Variants in MBNL1 observed in about 807,000 individuals in gnomAD.
MBNL1 encodes muscleblind-like protein 1.
MBNL1 carries 8 observed loss-of-function variants against 42.2 expected under a neutral mutation model. The ratio of observed to expected loss-of-function variants is 0.19; its 90% CI spans 0.11 to 0.34. The LOEUF (loss-of-function observed/expected upper bound fraction) is 0.34, where lower values mean the gene tolerates loss of function less well. Ranked by LOEUF, MBNL1 falls within the 10% of genes least tolerant of loss-of-function variation. MBNL1 has a pLI of 1.00. For synonymous variants in MBNL1, 169 were observed against 173.9 expected, an observed-to-expected ratio of 0.97 and a Z score of 0.22; for missense variants, 309 against 495.3, an observed-to-expected ratio of 0.62 and a Z score of 3.57.
At chr3:152,357,919 T>C (rs1048685107) in intron 2 of MBNL1, among the ~76,000 whole-genome samples, 2 of 152,166 alleles carry the variant, frequency 1.3e-5, no homozygotes, top group Admixed American at 6.5e-5. Flanking sequence ...AGAAAACTCA[T>C]TGAAATAAAT....
At chr3:152,337,248 C>T (rs1357276311) in intron 2 of MBNL1, among the ~76,000 whole-genome samples, 3 of 152,174 alleles carry the variant, frequency 2.0e-5, no homozygotes, top group African/African-American at 7.2e-5. Context: ...CTATTATCAT[C>T]TCCTTGAAAA....
At chr3:152,422,996 G>A (rs77805981) in intron 3 of MBNL1, among the ~76,000 whole-genome samples, 1 of 152,192 alleles carries the variant, frequency 6.6e-6, no homozygotes, top group African/African-American at 2.4e-5. Flanking sequence ...GAGAAAGCAG[G>A]AAAGATATAA....
intron 2 of MBNL1, chr3:152,340,720 TC>T: frequency 6.2e-7 from 1 of 1,614,054 alleles, no homozygotes; most frequent in African/African-American, 1.3e-5. Flanking sequence ...ACTCAAATGT[TC>T]CTTTGGATTC....
intron 2 of MBNL1, among the ~76,000 whole-genome samples, chr3:152,324,555 A>G (rs962988983): frequency 1.3e-5 from 2 of 152,222 alleles, no homozygotes; most frequent in African/African-American, 4.8e-5. Flanking sequence ...AAATTGGCAG[A>G]TGGCAACCAT....
At chr3:152,387,743 G>C (rs999309084) in intron 2 of MBNL1, among the ~76,000 whole-genome samples, 2 of 151,954 alleles carry the variant, frequency 1.3e-5, no homozygotes, top group Non-Finnish European at 2.9e-5. Flanking sequence ...TTCCTGAGCA[G>C]TTATGACTCT....
At chr3:152,307,898 C>T (rs1325545294) in intron 2 of MBNL1, among the ~76,000 whole-genome samples, 1 of 152,052 alleles carries the variant, frequency 6.6e-6, no homozygotes, top group East Asian at 1.9e-4. Context: ...ACAAATGAGT[C>T]AAGGAGTGAA....
chr3:152,335,041 C>T (rs761398270), intron 2 of MBNL1: 21 of 1,222,360 alleles, frequency 1.7e-5, no homozygotes, highest in Non-Finnish European at 2.2e-5. Context: ...TCTGCTGCTG[C>T]TGCTGCTGCT....
rs370583968 is a variant in MBNL1 at position 152,306,584 on chromosome 3, C to T, written c.174+6217C>T. On this transcript the variant is annotated intron_variant, in intron 2 of 9. Transcript: ENST00000324210. The stretch of plus-strand genomic sequence containing the variant: ...TGACTGATTTTGGTAGCAGGGATTG[C>T]TAGGAAGTATTTTTTTGTATGTTTG... 6.1e-4 allele frequency among the ~76,000 whole-genome samples: 93 copies of T among 152,058 alleles called. No homozygotes were observed. In the South Asian group the frequency reaches 0.019, roughly 31 times the overall value.
In MBNL1 at chr3:152,338,407, C is replaced by T. The variant is rs752054031; in HGVS notation, c.174+38040C>T. 2.2e-5 allele frequency: 22 copies of T among 985,370 alleles called. No homozygotes were observed. In the East Asian group the frequency reaches 2.2e-3, roughly 97 times the overall value. The allele number at this position is 985,370 out of a possible 1,614,324, so 61.0% of individuals were successfully genotyped here. On this transcript the variant is annotated intron_variant, in intron 2 of 9. Coordinates refer to ENST00000324210, the MANE Select transcript of MBNL1 (RefSeq NM_021038.5). ...TTGTGAAAGCGGGGAATATTCCTCC[C>T]CCTGCTGCTACAGTTGAGCACCGTG...
chr3:152,351,262 C>T, intron 2 of MBNL1, among the ~76,000 whole-genome samples: 1 of 151,986 alleles, frequency 6.6e-6, no homozygotes, highest in East Asian at 1.9e-4. Context: ...TGTTAAATGC[C>T]ATGGTTTATA....
intron 1 of MBNL1, among the ~76,000 whole-genome samples, chr3:152,276,357 A>G (rs1245922179): frequency 6.6e-6 from 1 of 152,204 alleles, no homozygotes; most frequent in Admixed American, 6.5e-5. Context: ...GATTTTACAG[A>G]TAGGGGAACT....
At chr3:152,455,632 C>A in intron 7 of MBNL1, 55 bp downstream of exon 7, 2 of 1,480,286 alleles carry the variant, frequency 1.4e-6, no homozygotes, top group Non-Finnish European at 1.9e-6. Flanking sequence ...ACCTCACAGC[C>A]CCTCAAAATC....
chr3:152,337,251 C>T (rs1177965309), intron 2 of MBNL1, among the ~76,000 whole-genome samples: 1 of 152,106 alleles, frequency 6.6e-6, no homozygotes, highest in Non-Finnish European at 1.5e-5. Context: ...TTATCATCTC[C>T]TTGAAAAGCA....
chr3:152,376,165 A>T (rs2096890292), intron 2 of MBNL1, among the ~76,000 whole-genome samples: 1 of 152,214 alleles, frequency 6.6e-6, no homozygotes, highest in African/African-American at 2.4e-5. Context: ...TTTTAGTTTT[A>T]AGTGTAGTAT....
Position 152,462,804 on chromosome 3 carries a change from G to T in MBNL1, c.*438G>T, listed in dbSNP as rs1748058642. 2 of 152,090 alleles carry T rather than the reference G, an allele frequency of 1.3e-5. No homozygotes were observed. Among genetic ancestry groups the T allele is most frequent in the African/African-American group, 4.8e-5 (2 of 41,390 alleles). The allele number at this position is 152,090 out of a possible 1,614,324, so 9.4% of individuals were successfully genotyped here. On this transcript the variant is annotated 3_prime_UTR_variant, in exon 10 of 10. Coordinates refer to ENST00000324210, the MANE Select transcript of MBNL1 (RefSeq NM_021038.5). ...TAAAAATAAGTTTATTTCTTTCAAG[G>T]TTTACAAATAACAAAGGTGCACCTT... is the stretch of plus-strand genomic sequence containing the variant.
At chr3:152,357,764 G>A (rs2095632159) in intron 2 of MBNL1, among the ~76,000 whole-genome samples, 1 of 152,212 alleles carries the variant, frequency 6.6e-6, no homozygotes, top group African/African-American at 2.4e-5. Context: ...ACATGAGTGA[G>A]TAAAGTTACT....
chr3:152,413,867 T>C (rs897096807), intron 2 of MBNL1, among the ~76,000 whole-genome samples: 1 of 152,226 alleles, frequency 6.6e-6, no homozygotes, highest in Non-Finnish European at 1.5e-5. Context: ...CCTCACACCA[T>C]ATTACATATT....
chr3:152,330,956 A>G (rs1560174459), intron 2 of MBNL1, among the ~76,000 whole-genome samples: 1 of 152,278 alleles, frequency 6.6e-6, no homozygotes, highest in South Asian at 2.1e-4. Context: ...AGCCATTCCC[A>G]TTGATTTTAT....
At position 152,311,358 on chromosome 3, in the gene MBNL1, T is replaced by G. The variant is rs114588475; in HGVS notation, c.174+10991T>G. Among the ~76,000 whole-genome samples, 851 of 152,314 alleles carry G rather than the reference T, an allele frequency of 5.6e-3. 9 individuals carry two copies. Among genetic ancestry groups the G allele is most frequent in the African/African-American group, 0.02 (822 of 41,560 alleles). ...GATTTTATTCATCTTACTAGGCATTTATTTATATTATATTGTTTCTAATAT... is the reference window on the plus strand; with the variant it reads ...GATTTTATTCATCTTACTAGGCATTGATTTATATTATATTGTTTCTAATAT... On this transcript the variant is annotated intron_variant, in intron 2 of 9. Transcript: ENST00000324210.
Sources: gnomAD v4.1 joint callset for allele counts (sites outside exome capture counted in the v4.1 genomes callset) on GRCh38, gnomAD v4.1.1 for gene constraint, MANE v1.5 for transcripts, NCBI Gene and HGNC (gene_info 2026-07-23, HGNC 2026-07-21) for gene names.